DCUN1D4: variants seen among roughly 807,000 people sequenced by gnomAD.
The protein encoded by DCUN1D4 is defective in cullin neddylation 1 domain containing 4, also known as DCN1-like protein 4.
In DCUN1D4, 22 loss-of-function variants were observed where a neutral mutation model predicts 47.9. That is an observed-to-expected ratio of 0.46 (90% CI 0.33 to 0.66). DCUN1D4 has a LOEUF of 0.66. Ranked by LOEUF, DCUN1D4 falls within the 30% of genes least tolerant of loss-of-function variation. The pLI is 0.02. For missense variants in DCUN1D4, 301 were observed against 340.8 expected (o/e 0.88, Z 0.92); for synonymous variants, 121 against 112.2 (o/e 1.08, Z -0.50).
intron 7 of DCUN1D4, 48 bp from the exon 8 acceptor site, chr4:51,899,222 T>G: frequency 6.6e-7 from 1 of 1,507,202 alleles, no homozygotes. Context: ...ATTAAAAAAA[T>G]AAATAAATGA....
At chr4:51,887,777 A>G (rs1202097636) in intron 6 of DCUN1D4, among the ~76,000 whole-genome samples, 1 of 151,042 alleles carries the variant, frequency 6.6e-6, no homozygotes, top group African/African-American at 2.4e-5. Flanking sequence ...TAAACTTTTT[A>G]TTTTACCCTT....
chr4:51,901,576 C>G (rs544353752), intron 8 of DCUN1D4, among the ~76,000 whole-genome samples: 2 of 152,186 alleles, frequency 1.3e-5, no homozygotes, highest in Non-Finnish European at 2.9e-5. Context: ...ACAGTTGTAC[C>G]CATCCAGGCC....
intron 8 of DCUN1D4, 166 bp from the exon 9 acceptor site, chr4:51,910,904 G>T: frequency 3.2e-6 from 2 of 629,864 alleles, no homozygotes; most frequent in Admixed American, 6.4e-5. Context: ...CTTCCATTGT[G>T]TTTGACTACC....
intron 7 of DCUN1D4, among the ~76,000 whole-genome samples, chr4:51,894,023 T>C (rs143192747): frequency 3.3e-5 from 5 of 152,326 alleles, no homozygotes; most frequent in African/African-American, 9.6e-5. Context: ...GTCTGCGTTC[T>C]GAGTCCAGGG....
chr4:51,842,895 C>T (rs984695617), upstream of DCUN1D4: 10 of 393,630 alleles, frequency 2.5e-5, no homozygotes, highest in East Asian at 4.9e-5. Context: ...CGCTCTCGGA[C>T]CCCTGGGGGT....
At chr4:51,876,168 A>G (rs1272635088) in intron 4 of DCUN1D4, among the ~76,000 whole-genome samples, 1 of 152,192 alleles carries the variant, frequency 6.6e-6, no homozygotes, top group Non-Finnish European at 1.5e-5. Context: ...GAATTATACC[A>G]AATGTCCAAC....
chr4:51,864,762 G>A (rs1725636836), intron 3 of DCUN1D4, among the ~76,000 whole-genome samples: 1 of 152,150 alleles, frequency 6.6e-6, no homozygotes, highest in African/African-American at 2.4e-5. Context: ...CAGCAGTCTG[G>A]GGATTAGCTT....
chr4:51,905,195 A>G, intron 8 of DCUN1D4: 1 of 455,504 alleles, frequency 2.2e-6, no homozygotes, highest in Non-Finnish European at 4.4e-6. Context: ...ATAGTTCTAT[A>G]TGATGCTTGA....
chr4:51,881,052 C>A (rs976645094), intron 5 of DCUN1D4, among the ~76,000 whole-genome samples: 1 of 151,978 alleles, frequency 6.6e-6, no homozygotes, highest in Non-Finnish European at 1.5e-5. Context: ...CACTTGAACC[C>A]GGGAGGCAGA....
upstream of DCUN1D4, among the ~76,000 whole-genome samples, chr4:51,842,717 G>GTAA: frequency 6.6e-6 from 1 of 152,138 alleles, no homozygotes; most frequent in East Asian, 1.9e-4. Context: ...GGTACGAGCC[G>GTAA]CCCCCAACTG....
intron 3 of DCUN1D4, among the ~76,000 whole-genome samples, chr4:51,873,486 A>G (rs929630523): frequency 6.6e-6 from 1 of 152,164 alleles, no homozygotes; most frequent in African/African-American, 2.4e-5. Context: ...CCGTTTGCCT[A>G]ACCTCCCTCC....
chr4:51,911,652 G>C (rs1465697302), intron 9 of DCUN1D4, among the ~76,000 whole-genome samples: 5 of 152,138 alleles, frequency 3.3e-5, no homozygotes. Flanking sequence ...CTAAGTATTA[G>C]GCAGACTGAC....
At chr4:51,878,703 T>C (rs968033922) in intron 5 of DCUN1D4, among the ~76,000 whole-genome samples, 1 of 152,206 alleles carries the variant, frequency 6.6e-6, no homozygotes, top group Non-Finnish European at 1.5e-5. Context: ...TCCCCGTGCC[T>C]TTGCCTGAAA....
At chr4:51,892,186 A>G (rs1445387415) in intron 7 of DCUN1D4, among the ~76,000 whole-genome samples, 3 of 152,266 alleles carry the variant, frequency 2.0e-5, no homozygotes, top group Non-Finnish European at 4.4e-5. Context: ...AAAAGTAGAA[A>G]CAGGTAAAAT....
Position 51,913,624 on chromosome 4 carries a change from G to C in DCUN1D4, c.*40G>C, listed in dbSNP as rs1334803592. 1 of 1,582,992 alleles carries C rather than the reference G, an allele frequency of 6.3e-7. No homozygotes were observed. The highest frequency in any genetic ancestry group is 1.7e-5 in the Admixed American group (1 of 59,506). On this transcript the variant is annotated 3_prime_UTR_variant, in exon 11 of 11. Coordinates refer to ENST00000334635, the MANE Select transcript of DCUN1D4 (RefSeq NM_001040402.3). ...CAGCGAGAGAGTCACTGTTACCACA[G>C]TTTTGTCACCCATTAGCCATAAATT... is the stretch of plus-strand genomic sequence containing the variant.
intron 1 of DCUN1D4, among the ~76,000 whole-genome samples, chr4:51,856,241 AAGCATTTGTTAAG>A (rs773434383): frequency 1.9e-4 from 29 of 152,336 alleles, no homozygotes; most frequent in Middle Eastern, 3.4e-3. Flanking sequence ...GTCACTTGAA[AAGCATTTGTTAAG>A]AGCATAATAC....
chr4:51,852,410 T>C (rs952320797), intron 1 of DCUN1D4, among the ~76,000 whole-genome samples: 1 of 152,250 alleles, frequency 6.6e-6, no homozygotes, highest in Non-Finnish European at 1.5e-5. Context: ...TTTGAAATTA[T>C]TTTTATTTTT....
intron 3 of DCUN1D4, among the ~76,000 whole-genome samples, chr4:51,872,238 A>C (rs1184026437): frequency 2.0e-5 from 3 of 152,190 alleles, no homozygotes; most frequent in African/African-American, 7.2e-5. Flanking sequence ...TTAGGAACTT[A>C]GCACAGTGAT....
At chr4:51,876,725 C>T (rs1312707866) in intron 4 of DCUN1D4, among the ~76,000 whole-genome samples, 2 of 152,004 alleles carry the variant, frequency 1.3e-5, no homozygotes, top group Non-Finnish European at 2.9e-5. Context: ...TTTTGGTATA[C>T]ATGGGTCTTC....
Sources: gnomAD v4.1 joint callset for allele counts (sites outside exome capture counted in the v4.1 genomes callset) on GRCh38, gnomAD v4.1.1 for gene constraint, MANE v1.5 for transcripts, NCBI Gene and HGNC (gene_info 2026-07-23, HGNC 2026-07-21) for gene names.